The following TOP1MT variants were observed in gnomAD, a reference collection of about 807,000 sequenced individuals.
TOP1MT encodes the protein DNA topoisomerase I mitochondrial, also known as DNA topoisomerase I, mitochondrial.
In TOP1MT, 80 loss-of-function variants were observed where a neutral mutation model predicts 73.9. The ratio of observed to expected loss-of-function variants is 1.08; its 90% confidence interval spans 0.90 to 1.30. The LOEUF is 1.30. TOP1MT is among the 50% of genes most tolerant of loss of function. The pLI, the probability that TOP1MT is intolerant of heterozygous loss-of-function variation, is 0.00. For synonymous variants in TOP1MT, 338 were observed against 326.4 expected (o/e 1.04, Z -0.38); for missense variants, 815 against 808.0 (o/e 1.01, Z -0.10).
At position 143,317,692 on chromosome 8, in the gene TOP1MT, C is replaced by G. The variant is rs571105617; in HGVS notation, c.1330+31G>C. 2.3e-4 allele frequency: 366 copies of G among 1,578,842 alleles called. 4 individuals carry two copies. In the South Asian group the frequency reaches 3.8e-3, roughly 16 times the overall value. On this transcript the variant is annotated intron_variant, in intron 10 of 13. Transcript: ENST00000329245. ...TCTGGGGCAGGGGCCGTGCTCCCCC[C>G]GCGCTGAGTGTGGGTGTGGGGCAGG...
At chr8:143,357,727 G>C (rs903617673), upstream of TOP1MT, among the ~76,000 whole-genome samples, 11 of 152,144 alleles carry the variant, frequency 7.2e-5, no homozygotes, top group African/African-American at 2.2e-4. Flanking sequence ...TTCTAGACCA[G>C]CCTGGCCAAC....
At chr8:143,327,085 G>T (rs1231071425) in intron 3 of TOP1MT, among the ~76,000 whole-genome samples, 1 of 152,172 alleles carries the variant, frequency 6.6e-6, no homozygotes, top group Non-Finnish European at 1.5e-5. Flanking sequence ...AGCCCAATCA[G>T]CTCCTAAAGG....
At chr8:143,310,749 T>C (rs554572132) in intron 12 of TOP1MT, among the ~76,000 whole-genome samples, 2 of 152,240 alleles carry the variant, frequency 1.3e-5, no homozygotes, top group African/African-American at 4.8e-5. Flanking sequence ...AAAGACAAAC[T>C]TGCGCCTGCA....
At position 143,317,778 on chromosome 8, in the gene TOP1MT, G is replaced by A; in HGVS notation, c.1275C>T (p.Phe425=). ...GAGTGATGGAGGCGTTGTAGGTCCGGAACACCTTGGCCGTCAGCCCGTCCA... is the reference window on the plus strand; with the variant it reads ...GAGTGATGGAGGCGTTGTAGGTCCGAAACACCTTGGCCGTCAGCCCGTCCA... ...ELMDGLTAKV[F]RTYNASITLQ... Residue 425 remains phenylalanine (F), a synonymous_variant, in exon 10 of 14, where the codon TTC becomes TTT. Transcript: ENST00000329245. The A allele has an allele frequency of 6.2e-7, 1 of 1,614,166 alleles. No homozygotes were observed. Among genetic ancestry groups the A allele is most frequent in the Non-Finnish European group, 8.5e-7 (1 of 1,180,030 alleles).
chr8:143,359,692 G>A (rs1586790839), upstream of TOP1MT, among the ~76,000 whole-genome samples: 1 of 152,224 alleles, frequency 6.6e-6, no homozygotes, highest in East Asian at 1.9e-4. Context: ...CACAGAGGAG[G>A]AGGGGACACG....
rs371576359 is a variant in TOP1MT, at chr8:143,331,184, C to A, written c.238+40G>T. 11 of 1,520,552 alleles carry A rather than the reference C, an allele frequency of 7.2e-6. No homozygotes were observed. In the African/African-American group the frequency reaches 1.1e-4, roughly 15 times the overall value. The allele number at this position is 1,520,552 out of a possible 1,614,324, so 94.2% of individuals were successfully genotyped here. Reference sequence around the variant, plus strand: ...CACTGGGAGCCCACGCCCAGGGAACCAAGCGCAGGCTGGGGAGGAGCCGCT... The same window carrying A: ...CACTGGGAGCCCACGCCCAGGGAACAAAGCGCAGGCTGGGGAGGAGCCGCT... On this transcript the variant is annotated intron_variant, in intron 2 of 13. Coordinates refer to ENST00000329245, the MANE Select transcript of TOP1MT (RefSeq NM_052963.3).
At chr8:143,349,037 C>T (rs1298769463), upstream of TOP1MT, among the ~76,000 whole-genome samples, 1 of 152,154 alleles carries the variant, frequency 6.6e-6, no homozygotes, top group Non-Finnish European at 1.5e-5. Flanking sequence ...TCCAGGGCAG[C>T]AGCCAAATCA....
At chr8:143,349,887 C>T (rs1817292905), upstream of TOP1MT, among the ~76,000 whole-genome samples, 1 of 152,100 alleles carries the variant, frequency 6.6e-6, no homozygotes, top group African/African-American at 2.4e-5. Context: ...TTGATCTGCC[C>T]ACCTCAGCCT....
chr8:143,319,375 G>A (rs937048606), intron 8 of TOP1MT, among the ~76,000 whole-genome samples: 4 of 151,662 alleles, frequency 2.6e-5, no homozygotes, highest in African/African-American at 7.3e-5. Flanking sequence ...GCTCACTGCC[G>A]CCTCCAACTC....
At chr8:143,339,582 C>T (rs936677465), upstream of TOP1MT, among the ~76,000 whole-genome samples, 6 of 152,228 alleles carry the variant, frequency 3.9e-5, no homozygotes, top group Non-Finnish European at 8.8e-5. Flanking sequence ...ACCCTACAAC[C>T]CACAGCTCAA....
chr8:143,334,847 C>CCGCACCA lies in TOP1MT; in HGVS notation c.8_14dup (p.Leu6GlyfsTer76). The CCGCACCA allele has an allele frequency of 6.6e-7, 1 of 1,510,686 alleles. No individual in the cohort carries two copies. The highest frequency in any genetic ancestry group is 1.5e-5 in the African/African-American group (1 of 68,650). The allele number at this position is 1,510,686 out of a possible 1,614,324, so 93.6% of individuals were successfully genotyped here. On this transcript the variant is annotated frameshift_variant, in exon 1 of 14. Coordinates refer to ENST00000329245, the MANE Select transcript of TOP1MT (RefSeq NM_052963.3). LOFTEE classifies it high-confidence loss of function. ...TCAGAGCCGCCCGGAGCCGCAGCAG[C>CCGCACCA]CGCACCACGCGCATCTGCCAGCCTC...
chr8:143,343,236 G>T, exon 2 of TOP1MT: 1 of 456,098 alleles, frequency 2.2e-6, no homozygotes, highest in Non-Finnish European at 4.4e-6. Context: ...TTTTTTCTTG[G>T]GTGGCTTTTC....
intron 12 of TOP1MT, among the ~76,000 whole-genome samples, chr8:143,311,021 T>C (rs7002111): frequency 0.89 from 132,659 of 149,658 alleles, 58,992 homozygotes; most frequent in African/African-American, 0.97. Flanking sequence ...TGCAGTTGCA[T>C]GATCTCAGCT....
At chr8:143,322,559 ACACACAGACACGC>A (rs1324172289) in intron 7 of TOP1MT, among the ~76,000 whole-genome samples, 1 of 118,190 alleles carries the variant, frequency 8.5e-6, no homozygotes, top group Non-Finnish European at 1.7e-5. Flanking sequence ...CACGCACGCC[ACACACAGACACGC>A]CACACACATG....
chr8:143,322,850 C>T (rs568801898), intron 7 of TOP1MT, among the ~76,000 whole-genome samples: 30 of 71,892 alleles, frequency 4.2e-4, no homozygotes, highest in African/African-American at 1.0e-3. Flanking sequence ...CACACACGCA[C>T]GCAACACACA....
At chr8:143,342,539 G>A (rs372422109) in intron 2 of TOP1MT, among the ~76,000 whole-genome samples, 5 of 47,454 alleles carry the variant, frequency 1.1e-4, no homozygotes, top group African/African-American at 6.4e-4. Flanking sequence ...GTCTCGCTCT[G>A]TTATTATTAT....
chr8:143,349,084 T>A (rs1586785076), upstream of TOP1MT, among the ~76,000 whole-genome samples: 3 of 151,912 alleles, frequency 2.0e-5, 1 homozygote, highest in South Asian at 6.2e-4. Flanking sequence ...GGTTCTCAGC[T>A]CCTCACCACA....
At chr8:143,351,020 T>C (rs1817310865) in intron 1 of TOP1MT, among the ~76,000 whole-genome samples, 1 of 152,142 alleles carries the variant, frequency 6.6e-6, no homozygotes, top group Non-Finnish European at 1.5e-5. Context: ...ACGCCCACCT[T>C]GGTATCTGAT....
At chr8:143,320,611 G>A (rs7387093) in intron 8 of TOP1MT, among the ~76,000 whole-genome samples, 76,570 of 152,122 alleles carry the variant, frequency 0.5, 20,736 homozygotes, top group East Asian at 0.76. Context: ...AGACTGATAA[G>A]ATGAAGTCAT....
Sources: allele counts gnomAD v4.1 joint callset (sites outside exome capture counted in the v4.1 genomes callset), GRCh38; gene constraint gnomAD v4.1.1; transcripts MANE v1.5; gene names NCBI Gene and HGNC (gene_info 2026-07-23, HGNC 2026-07-21).